The following PATJ variants were observed in gnomAD, a reference collection of about 807,000 sequenced individuals.
PATJ encodes the protein PATJ crumbs cell polarity complex component, also known as inaD-like protein.
PATJ carries 190 observed loss-of-function variants against 224.9 expected under a neutral mutation model. That is an observed-to-expected ratio of 0.84 (90% CI 0.75 to 0.95). The LOEUF (loss-of-function observed/expected upper bound fraction) is 0.95. Ranked by LOEUF, PATJ falls within the 40% of genes least tolerant of loss-of-function variation. The pLI, the probability that PATJ is intolerant of heterozygous loss-of-function variation, is 0.00. For missense variants in PATJ, 2,121 were observed against 2,270.3 expected, an observed-to-expected ratio of 0.93 and a Z score of 1.34; for synonymous variants, 769 against 820.3, an observed-to-expected ratio of 0.94 and a Z score of 1.07.
intron 30 of PATJ, among the ~76,000 whole-genome samples, chr1:62,043,726 TG>T (rs112036402): frequency 6.6e-6 from 1 of 151,246 alleles, no homozygotes; most frequent in Non-Finnish European, 1.5e-5. Context: ...GGTTTTGGTT[TG>T]GGGGGGGCAG....
intron 28 of PATJ, among the ~76,000 whole-genome samples, chr1:61,996,903 C>G (rs551776879): frequency 6.6e-6 from 1 of 151,622 alleles, no homozygotes; most frequent in Admixed American, 6.6e-5. Context: ...CCACCATGCC[C>G]GGCTAATTTT....
intron 27 of PATJ, among the ~76,000 whole-genome samples, chr1:61,978,793 C>T (rs1345311872): frequency 6.6e-6 from 1 of 151,780 alleles, no homozygotes; most frequent in Non-Finnish European, 1.5e-5. Context: ...GGAAACAGAC[C>T]AGATAACTAA....
intron 33 of PATJ, among the ~76,000 whole-genome samples, chr1:62,095,344 A>C (rs1224114304): frequency 1.3e-5 from 2 of 152,210 alleles, no homozygotes; most frequent in Non-Finnish European, 2.9e-5. Flanking sequence ...TCATGAATCA[A>C]TGAGGTGATA....
intron 29 of PATJ, among the ~76,000 whole-genome samples, chr1:62,025,324 G>A (rs1647646443): frequency 6.6e-6 from 1 of 152,156 alleles, no homozygotes; most frequent in Admixed American, 6.6e-5. Flanking sequence ...ACCGTTGCTG[G>A]CTCTTGAAAT....
rs921606079 is a variant in PATJ at position 62,051,084 on chromosome 1, C to T, written c.4125+26C>T. ...GTGAGAATCTTGAGTATTTTTCATC[C>T]TGTATTCTGTTTAGGGATGTATCAC... On this transcript the variant is annotated intron_variant, in intron 31 of 43. Transcript: ENST00000642238. 5 of 1,522,282 alleles carry T rather than the reference C, an allele frequency of 3.3e-6. No individual in the cohort carries two copies. The African/African-American group carries it at 6.9e-5, about 21-fold the overall frequency. 94.3% of individuals were successfully genotyped at this position (1,522,282 alleles called of 1,614,324 possible). A position where few individuals can be genotyped will look rare whatever the true frequency, so the allele number is the denominator to read the frequency against.
chr1:61,796,692 TTCTTTCTTTCTTTC>T (rs1450664760), intron 10 of PATJ, among the ~76,000 whole-genome samples: 7 of 106,476 alleles, frequency 6.6e-5, no homozygotes, highest in Admixed American at 1.8e-4. Flanking sequence ...CTTTCTTTCT[TTCTTTCTTTCTTTC>T]TTTCTTTCTT....
At chr1:61,987,600 C>A (rs993073506) in intron 27 of PATJ, among the ~76,000 whole-genome samples, 1 of 152,132 alleles carries the variant, frequency 6.6e-6, no homozygotes, top group Admixed American at 6.5e-5. Context: ...AACCCCCCAT[C>A]CCTGGGGGAC....
intron 33 of PATJ, among the ~76,000 whole-genome samples, chr1:62,104,495 A>G (rs182548428): frequency 1.6e-3 from 238 of 152,248 alleles, no homozygotes; most frequent in Non-Finnish European, 3.0e-3. Flanking sequence ...GTAATTATCC[A>G]GAACCACAGC....
chr1:61,983,085 G>A (rs910719100), intron 27 of PATJ, among the ~76,000 whole-genome samples: 9 of 151,884 alleles, frequency 5.9e-5, no homozygotes, highest in Non-Finnish European at 1.0e-4. Flanking sequence ...GTAAGAGAAG[G>A]TCCATGATTT....
At chr1:61,952,351 A>G in intron 27 of PATJ, 1 of 713,786 alleles carries the variant, frequency 1.4e-6, no homozygotes, top group South Asian at 1.5e-5. Context: ...AGCATTGGAT[A>G]TTTGTCAGGA....
chr1:61,808,635 C>T (rs1007751240), intron 14 of PATJ, 105 bp downstream of exon 14: 8 of 673,140 alleles, frequency 1.2e-5, no homozygotes, highest in Non-Finnish European at 2.1e-5. Flanking sequence ...AAGTGATCCT[C>T]CCGTGTTTCC....
chr1:62,163,911 A>G lies in PATJ; in HGVS notation c.*2857A>G, dbSNP rs908220855. 1.3e-5 allele frequency: 2 copies of G among 152,150 alleles called. No homozygotes were observed. The highest frequency in any genetic ancestry group is 4.8e-5 in the African/African-American group (2 of 41,450). 9.4% of individuals were successfully genotyped at this position (152,150 alleles called of 1,614,324 possible). On this transcript the variant is annotated 3_prime_UTR_variant, in exon 44 of 44. Coordinates refer to ENST00000642238, the MANE Select transcript of PATJ (RefSeq NM_001350145.3). ...AGATTCTAAATAAATGTAGTTGCCTACAGAGCAAATGGAGTTTTATTATAT... is the reference window on the plus strand; with the variant it reads ...AGATTCTAAATAAATGTAGTTGCCTGCAGAGCAAATGGAGTTTTATTATAT...
At chr1:61,901,008 G>T (rs1671081894) in intron 23 of PATJ, among the ~76,000 whole-genome samples, 1 of 152,140 alleles carries the variant, frequency 6.6e-6, no homozygotes, top group South Asian at 2.1e-4. Context: ...AATAGGAGAT[G>T]GGAATATTTG....
intron 27 of PATJ, among the ~76,000 whole-genome samples, chr1:61,976,427 A>G (rs1644136155): frequency 1.3e-5 from 2 of 152,006 alleles, no homozygotes; most frequent in South Asian, 4.1e-4. Flanking sequence ...TTTTATTGAG[A>G]TGGAGTCTTG....
intron 33 of PATJ, among the ~76,000 whole-genome samples, chr1:62,100,995 A>G (rs1454011296): frequency 6.6e-6 from 1 of 152,200 alleles, no homozygotes; most frequent in Non-Finnish European, 1.5e-5. Flanking sequence ...AGGAGGTAGC[A>G]GATAAAAGAA....
At chr1:62,088,092 T>C (rs1270966658) in intron 33 of PATJ, among the ~76,000 whole-genome samples, 2 of 152,030 alleles carry the variant, frequency 1.3e-5, no homozygotes, top group Non-Finnish European at 1.5e-5. Flanking sequence ...GGTTTCTCCA[T>C]GTTGGTCAGG....
chr1:61,912,584 G>C, intron 25 of PATJ, among the ~76,000 whole-genome samples: 1 of 150,370 alleles, frequency 6.7e-6, no homozygotes, highest in Non-Finnish European at 1.5e-5. Flanking sequence ...CTGGGTGACA[G>C]AGTGAGACTC....
At position 61,884,450 on chromosome 1, in the gene PATJ, GGTTTTTT is replaced by G. The variant is rs1557818802; in HGVS notation, c.3131+43_3131+49del. On this transcript the variant is annotated intron_variant, in intron 22 of 43. Transcript: ENST00000642238. ...CTTTGTTTTCACATTATAAAATAGT[GGTTTTTT>G]TTTTTTTTTTTTTTTTGCTTAAAAA... 8 of 689,074 alleles carry G rather than the reference GGTTTTTT, an allele frequency of 1.2e-5. No individual in the cohort carries two copies. The African/African-American group carries it at 1.6e-4, about 14-fold the overall frequency. The allele number at this position is 689,074 out of a possible 1,614,324, so 42.7% of individuals were successfully genotyped here. A position where few individuals can be genotyped will look rare whatever the true frequency, so the allele number is the denominator to read the frequency against.
At chr1:62,147,722 C>G (rs191003318) in intron 41 of PATJ, among the ~76,000 whole-genome samples, 27 of 151,918 alleles carry the variant, frequency 1.8e-4, no homozygotes, top group African/African-American at 5.3e-4. Context: ...TCACTTGAAC[C>G]CAGGAAGCAG....
Sources: allele counts gnomAD v4.1 joint callset (sites outside exome capture counted in the v4.1 genomes callset), GRCh38; gene constraint gnomAD v4.1.1; transcripts MANE v1.5; gene names NCBI Gene and HGNC (gene_info 2026-07-23, HGNC 2026-07-21).